CDH13: variants seen among roughly 807,000 people sequenced by gnomAD.
The protein encoded by CDH13 is cadherin 13.
A neutral mutation model predicts 63.8 loss-of-function variants in CDH13; 24 were observed. That is an observed-to-expected ratio of 0.38 (90% CI 0.27 to 0.53). The LOEUF is 0.53. Among genes scored for constraint, CDH13 ranks in the 20% least tolerant of loss-of-function variants. The pLI, the probability that CDH13 is intolerant of heterozygous loss-of-function variation, is 0.85. For missense variants in CDH13, 1,049 were observed against 903.1 expected, an observed-to-expected ratio of 1.16 and a Z score of -2.07; for synonymous variants, 503 against 355.3, an observed-to-expected ratio of 1.42 and a Z score of -4.67.
intron 2 of CDH13, among the ~76,000 whole-genome samples, chr16:83,027,102 A>ACCCCCCCCCCCC (rs79185242): frequency 1.2e-4 from 12 of 100,896 alleles, no homozygotes; most frequent in South Asian, 3.8e-4. Context: ...CAGAAGGGAG[A>ACCCCCCCCCCCC]CCCCCCCCCC....
intron 6 of CDH13, among the ~76,000 whole-genome samples, chr16:83,412,771 A>G (rs1184602448): frequency 2.0e-5 from 3 of 152,228 alleles, no homozygotes; most frequent in Non-Finnish European, 4.4e-5. Flanking sequence ...AAGTGGAACA[A>G]TTCCACGTGC....
intron 6 of CDH13, among the ~76,000 whole-genome samples, chr16:83,484,739 G>A (rs1270205961): frequency 2.6e-5 from 4 of 152,162 alleles, no homozygotes; most frequent in Non-Finnish European, 5.9e-5. Flanking sequence ...CTTATAAACT[G>A]TACCTGTAAA....
intron 5 of CDH13, among the ~76,000 whole-genome samples, chr16:83,287,898 C>G (rs1465215649): frequency 6.6e-6 from 1 of 151,914 alleles, no homozygotes; most frequent in Non-Finnish European, 1.5e-5. Context: ...GCATAGAAGT[C>G]CATGAGAAGT....
chr16:83,054,349 T>A (rs1406263395), intron 3 of CDH13, among the ~76,000 whole-genome samples: 1 of 152,206 alleles, frequency 6.6e-6, no homozygotes, highest in Non-Finnish European at 1.5e-5. Flanking sequence ...ATTACAGTAA[T>A]ATGCCAGCAT....
At chr16:82,694,056 T>C (rs932977485) in intron 1 of CDH13, among the ~76,000 whole-genome samples, 1 of 152,224 alleles carries the variant, frequency 6.6e-6, no homozygotes, top group African/African-American at 2.4e-5. Context: ...AAATAAAACA[T>C]ATACTTAAAC....
intron 7 of CDH13, among the ~76,000 whole-genome samples, chr16:83,489,752 C>T (rs1598140402): frequency 6.6e-6 from 1 of 152,112 alleles, no homozygotes; most frequent in South Asian, 2.1e-4. Flanking sequence ...CTGAGAAGGC[C>T]TGTCTTAGGT....
At chr16:83,357,877 T>G (rs779685948) in intron 6 of CDH13, among the ~76,000 whole-genome samples, 2 of 152,164 alleles carry the variant, frequency 1.3e-5, no homozygotes, top group Non-Finnish European at 2.9e-5. Flanking sequence ...GCAGGATCAA[T>G]GGACATGGAG....
chr16:82,710,552 A>AAAAATAT (rs60196638), intron 1 of CDH13, among the ~76,000 whole-genome samples: 29 of 63,774 alleles, frequency 4.5e-4, no homozygotes, highest in South Asian at 2.6e-3. Flanking sequence ...AAAAAAAAAA[A>AAAAATAT]ATATATATAT....
At chr16:83,196,122 G>A (rs1342329363) in intron 4 of CDH13, among the ~76,000 whole-genome samples, 1 of 152,194 alleles carries the variant, frequency 6.6e-6, no homozygotes, top group Non-Finnish European at 1.5e-5. Context: ...CAGGCTTGGT[G>A]GTGGGCACCT....
Position 83,150,742 on chromosome 16 carries a change from A to G in CDH13, c.483+25241A>G, listed in dbSNP as rs373855509. ...ATTAGACAAAAGTTCCCATTTCTGT[A>G]AGACAGATTTCCAAAACAGGACAGA... On this transcript the variant is annotated intron_variant, in intron 4 of 13. Transcript: ENST00000567109. Among the ~76,000 whole-genome samples the G allele has an allele frequency of 7.2e-5, 11 of 152,320 alleles. No individual in the cohort carries two copies. In the South Asian group the frequency reaches 2.3e-3, roughly 32 times the overall value.
chr16:82,665,805 C>T (rs1027738978), intron 1 of CDH13, among the ~76,000 whole-genome samples: 1 of 152,046 alleles, frequency 6.6e-6, no homozygotes, highest in Non-Finnish European at 1.5e-5. Flanking sequence ...TTTATATGTG[C>T]TTAGAGCACT....
chr16:83,646,722 C>A (rs1433764272), intron 8 of CDH13, among the ~76,000 whole-genome samples: 2 of 138,524 alleles, frequency 1.4e-5, no homozygotes, highest in African/African-American at 2.7e-5. Flanking sequence ...AACACACACA[C>A]ACACACACAC....
chr16:83,327,579 G>A (rs955265028), intron 5 of CDH13, among the ~76,000 whole-genome samples: 3 of 152,188 alleles, frequency 2.0e-5, no homozygotes, highest in Admixed American at 6.5e-5. Flanking sequence ...TAGTCGTTGA[G>A]AGCTTACCTT....
At chr16:83,762,331 T>G (rs1914039547) in intron 11 of CDH13, among the ~76,000 whole-genome samples, 1 of 152,186 alleles carries the variant, frequency 6.6e-6, no homozygotes, top group Admixed American at 6.5e-5. Context: ...ACAGGCACTC[T>G]TTTATGGAAG....
At chr16:83,292,058 C>A (rs962440039) in intron 5 of CDH13, among the ~76,000 whole-genome samples, 2 of 152,144 alleles carry the variant, frequency 1.3e-5, no homozygotes, top group African/African-American at 4.8e-5. Context: ...ATGTTGGCCA[C>A]CTTTGTTTAC....
At position 83,414,152 on chromosome 16, in the gene CDH13, C is replaced by A. The variant is rs975751797; in HGVS notation, c.781+69146C>A. On this transcript the variant is annotated intron_variant, in intron 6 of 13. Transcript: ENST00000567109. Reference sequence around the variant, plus strand: ...AAAAGGTACCAAAAATATTCTCATTCCTACATCCAATAGCTGTTTTTCTTA... The same window carrying A: ...AAAAGGTACCAAAAATATTCTCATTACTACATCCAATAGCTGTTTTTCTTA... Among the ~76,000 whole-genome samples the A allele has an allele frequency of 2.8e-4, 42 of 152,152 alleles. 1 individual carries two copies. The highest frequency in any genetic ancestry group is 2.1e-4 in the Non-Finnish European group (14 of 68,036).
intron 11 of CDH13, 50 bp downstream of exon 11, chr16:83,748,300 T>C: frequency 2.6e-6 from 4 of 1,516,030 alleles, no homozygotes; most frequent in Non-Finnish European, 2.7e-6. Flanking sequence ...GCTACAAATA[T>C]ACTTTTACAT....
At position 83,527,835 on chromosome 16, in the gene CDH13, C is replaced by T. The variant is rs556129450; in HGVS notation, c.960+41180C>T. Among the ~76,000 whole-genome samples, 8 of 152,270 alleles carry T rather than the reference C, an allele frequency of 5.3e-5. No individual in the cohort carries two copies. The South Asian group carries it at 1.5e-3, about 28-fold the overall frequency. ...AAAGACTTTTGAGATCACTGGTATC[C>T]ATATCACACTGTAAAGTAGAAAGAA... On this transcript the variant is annotated intron_variant, in intron 7 of 13. Transcript: ENST00000567109.
At chr16:82,902,720 G>T (rs930420217) in intron 2 of CDH13, among the ~76,000 whole-genome samples, 1 of 151,818 alleles carries the variant, frequency 6.6e-6, no homozygotes, top group Admixed American at 6.6e-5. Context: ...TGTCTCTTCT[G>T]TTGAGCCATT....
Sources: allele counts gnomAD v4.1 joint callset (sites outside exome capture counted in the v4.1 genomes callset), GRCh38; gene constraint gnomAD v4.1.1; transcripts MANE v1.5; gene names NCBI Gene and HGNC (gene_info 2026-07-23, HGNC 2026-07-21).